The following C16orf96 variants were observed in gnomAD, a reference collection of about 807,000 sequenced individuals.
C16orf96 encodes chromosome 16 open reading frame 96, also known as uncharacterized protein C16orf96.
C16orf96 carries 108 observed loss-of-function variants against 103.6 expected under a neutral mutation model. The observed-to-expected ratio is 1.04, with a 90% CI of 0.89 to 1.22. The LOEUF (loss-of-function observed/expected upper bound fraction) is 1.22. Among genes scored for constraint, C16orf96 ranks in the 50% most tolerant of loss-of-function variants. The pLI is 0.00. For missense variants in C16orf96, 1,586 were observed against 1,464.2 expected, an observed-to-expected ratio of 1.08 and a Z score of -1.36; for synonymous variants, 566 against 593.5, an observed-to-expected ratio of 0.95 and a Z score of 0.67.
Position 4,575,639 on chromosome 16 carries a change from C to G in C16orf96, c.1159C>G (p.Pro387Ala), listed in dbSNP as rs1364262496. The stretch of plus-strand genomic sequence containing the variant: ...CCAGCCTCCACCACTGGGAGACTGG[C>G]CTGCACTCCCAAGACGCTGGCCTCT... ...GAQPPPLGDWPALPRRWPLPQ... is the reference protein window; with the variant it reads ...GAQPPPLGDWAALPRRWPLPQ... The change falls in exon 5 of 16, where the codon CCT becomes GCT. Residue 387 changes from proline (P) to alanine (A), a missense_variant. By Grantham distance (27) the Pro-to-Ala change is conservative (BLOSUM62 -1). Transcript: ENST00000444310. The G allele has an allele frequency of 5.9e-6, 9 of 1,532,106 alleles. No homozygotes were observed. The highest frequency in any genetic ancestry group is 7.9e-6 in the Non-Finnish European group (9 of 1,138,430). 94.9% of individuals were successfully genotyped at this position (1,532,106 alleles called of 1,614,324 possible). A position where few individuals can be genotyped will look rare whatever the true frequency, so the allele number is the denominator to read the frequency against.
At chr16:4,555,269 T>TACACACACACACAC (rs71139639), upstream of C16orf96, among the ~76,000 whole-genome samples, 1 of 145,590 alleles carries the variant, frequency 6.9e-6, no homozygotes, top group African/African-American at 2.6e-5. Context: ...TCACACACAC[T>TACACACACACACAC]ACACACACAC....
chr16:4,565,217 T>C (rs1373076405), intron 1 of C16orf96, among the ~76,000 whole-genome samples: 2 of 152,150 alleles, frequency 1.3e-5, no homozygotes, highest in African/African-American at 4.8e-5. Flanking sequence ...TCGAGGACTA[T>C]GGCATGGGTC....
At chr16:4,595,304 G>C (rs532371850) in intron 14 of C16orf96, among the ~76,000 whole-genome samples, 1 of 152,302 alleles carries the variant, frequency 6.6e-6, no homozygotes, top group African/African-American at 2.4e-5. Context: ...CTCCCTGAAG[G>C]GTGGAGACTG....
chr16:4,565,640 C>A (rs1489051855), intron 1 of C16orf96, among the ~76,000 whole-genome samples: 1 of 152,190 alleles, frequency 6.6e-6, no homozygotes, highest in African/African-American at 2.4e-5. Context: ...AGCTGCCCAC[C>A]ACCACACCCG....
chr16:4,548,060 A>G, the C16orf96 span, among the ~76,000 whole-genome samples: 1 of 152,196 alleles, frequency 6.6e-6, no homozygotes, highest in Non-Finnish European at 1.5e-5. Flanking sequence ...TAGATGAATT[A>G]TATCTTAATA....
At chr16:4,550,862 G>A in the C16orf96 span, among the ~76,000 whole-genome samples, 13 of 152,268 alleles carry the variant, frequency 8.5e-5, no homozygotes, top group African/African-American at 1.4e-4. Context: ...TTCTTTACAC[G>A]CAGCAAGAAC....
At position 4,556,521 on chromosome 16, in the gene C16orf96, C is replaced by A; in HGVS notation, c.32C>A (p.Ala11Asp). MSFSLTFTEL[A>D]NIAIPQCGVL... is the part of the protein sequence containing the mutation. ...TTCTCACTCACGTTCACCGAGCTGG[C>A]CAACATCGCCATCCCACAGTGCGGG... Residue 11 changes from alanine to aspartate, a missense_variant, in exon 1 of 16, where the codon GCC becomes GAC. Transcript: ENST00000444310. The A allele has an allele frequency of 6.5e-7, 1 of 1,539,472 alleles. No individual in the cohort carries two copies.
chr16:4,581,788 C>T (rs1454491153), intron 7 of C16orf96, among the ~76,000 whole-genome samples: 1 of 148,492 alleles, frequency 6.7e-6, no homozygotes, highest in Non-Finnish European at 1.5e-5. Flanking sequence ...ACTGTCTCTA[C>T]AAAAAAAAAA....
Position 4,575,726 on chromosome 16 carries a change from A to G in C16orf96, c.1246A>G (p.Thr416Ala). 1.3e-6 allele frequency: 2 copies of G among 1,536,164 alleles called. No individual in the cohort carries two copies. Among genetic ancestry groups the G allele is most frequent in the South Asian group, 2.4e-5 (2 of 81,948 alleles). The change falls in exon 5 of 16, where the codon ACT (threonine) becomes GCT (alanine). Residue 416 changes from threonine to alanine, a missense_variant. Transcript: ENST00000444310. Reference sequence around the variant, plus strand: ...GTGGGACTTAGGTGTCCTGCGGCCAACTCAGCCCCAACCCTCCAGGGCCCC... The same window carrying G: ...GTGGGACTTAGGTGTCCTGCGGCCAGCTCAGCCCCAACCCTCCAGGGCCCC... ...PLWDLGVLRP[T>A]QPQPSRAPPP...
chr16:4,539,781 A>G, the C16orf96 span, among the ~76,000 whole-genome samples: 14 of 152,074 alleles, frequency 9.2e-5, no homozygotes, highest in African/African-American at 3.1e-4. Context: ...GTATAATATC[A>G]CTATTGTAAA....
intron 2 of C16orf96, among the ~76,000 whole-genome samples, chr16:4,573,613 G>A (rs2059464715): frequency 6.6e-6 from 1 of 151,048 alleles, no homozygotes; most frequent in South Asian, 2.1e-4. Flanking sequence ...TTAGCTGGAT[G>A]TGGTGGCAGG....
At chr16:4,586,884 T>C (rs1896939451) in intron 7 of C16orf96, among the ~76,000 whole-genome samples, 155 bp from the exon 8 acceptor site, 1 of 152,192 alleles carries the variant, frequency 6.6e-6, no homozygotes, top group African/African-American at 2.4e-5. Context: ...CCTGGAGCCC[T>C]TGAGCCTGAG....
In C16orf96 at chr16:4,556,506, C is replaced by T. The variant is rs200092715; in HGVS notation, c.17C>T (p.Thr6Met). MSFSLTFTELANIAIP... is the reference protein window; with the variant it reads MSFSLMFTELANIAIP... ...CCTGGCAGGATGAGCTTCTCACTCA[C>T]GTTCACCGAGCTGGCCAACATCGCC... is the stretch of plus-strand genomic sequence containing the variant. Residue 6 changes from threonine to methionine, a missense_variant, in exon 1 of 16, where the codon ACG becomes ATG. By Grantham distance (81) the Thr-to-Met change is moderately conservative. Coordinates refer to ENST00000444310, the MANE Select transcript of C16orf96 (RefSeq NM_001145011.2). 151 of 1,531,604 alleles carry T rather than the reference C, an allele frequency of 9.9e-5. No individual in the cohort carries two copies. The highest frequency in any genetic ancestry group is 4.4e-4 in the Admixed American group (22 of 50,400). 94.9% of individuals were successfully genotyped at this position (1,531,604 alleles called of 1,614,324 possible).
At chr16:4,547,689 C>CT in the C16orf96 span, among the ~76,000 whole-genome samples, 98 of 22,598 alleles carry the variant, frequency 4.3e-3, 1 homozygote, top group Middle Eastern at 0.023. Flanking sequence ...TCCTTCCTTC[C>CT]TTCTTTCTTT....
At chr16:4,547,681 CTTCCTTCCTTCT>C in the C16orf96 span, among the ~76,000 whole-genome samples, 8 of 16,474 alleles carry the variant, frequency 4.9e-4, no homozygotes, top group Admixed American at 4.2e-3. Flanking sequence ...TGCTTCCTTC[CTTCCTTCCTTCT>C]TTCTTTCTTT....
intron 2 of C16orf96, among the ~76,000 whole-genome samples, chr16:4,572,460 C>T (rs546923940): frequency 6.6e-5 from 10 of 151,870 alleles, no homozygotes; most frequent in African/African-American, 1.2e-4. Flanking sequence ...CCCCCATGCC[C>T]GGCTAATTTT....
At chr16:4,541,881 A>G in the C16orf96 span, among the ~76,000 whole-genome samples, 14 of 152,340 alleles carry the variant, frequency 9.2e-5, no homozygotes, top group Non-Finnish European at 1.5e-5. Flanking sequence ...TTGGTTGACA[A>G]AAATGTTGTG....
rs146139508 is a variant in C16orf96 at position 4,593,606 on chromosome 16, T to C, written c.2867+290T>C. ...TCTCACAACCCCCTGTGAGCTAGGG[T>C]TCCTATGCCCATGTCCCTGTTTCTT... On this transcript the variant is annotated intron_variant, in intron 12 of 15. Coordinates refer to ENST00000444310, the MANE Select transcript of C16orf96 (RefSeq NM_001145011.2). This position sits in a 1 kb window ranked among gnomAD's most constrained non-coding sequence, Gnocchi z 4.2. Among the ~76,000 whole-genome samples the C allele has an allele frequency of 0.013, 1,929 of 151,850 alleles. 49 individuals carry two copies. The highest frequency in any genetic ancestry group is 0.044 in the African/African-American group (1,817 of 41,404).
chr16:4,556,054 A>G (rs2059259776), upstream of C16orf96, among the ~76,000 whole-genome samples: 1 of 152,020 alleles, frequency 6.6e-6, no homozygotes, highest in Non-Finnish European at 1.5e-5. Flanking sequence ...CCTAACTCCA[A>G]GAAACCTGTC....
Sources: allele counts gnomAD v4.1 joint callset (sites outside exome capture counted in the v4.1 genomes callset), GRCh38; gene constraint gnomAD v4.1.1; non-coding constraint Gnocchi (gnomAD v3.1); transcripts MANE v1.5; gene names NCBI Gene and HGNC (gene_info 2026-07-23, HGNC 2026-07-21).